Variants in FANCD2 observed in about 807,000 individuals in gnomAD.
FANCD2 encodes the protein FA complementation group D2.
In FANCD2, 131 loss-of-function variants were observed where a neutral mutation model predicts 192.3. The observed-to-expected ratio is 0.68, with a 90% confidence interval of 0.59 to 0.79. FANCD2 has a LOEUF of 0.79. Among genes scored for constraint, FANCD2 ranks in the 30% least tolerant of loss-of-function variants. The probability of loss-of-function intolerance (pLI) is 0.00; values close to 1 mark genes in which losing one functional copy is unlikely to be tolerated. For synonymous variants in FANCD2, 524 were observed against 612.5 expected (o/e 0.86, Z 2.13); for missense variants, 1,508 against 1,701.6 (o/e 0.89, Z 2.00).
chr3:10,063,974 A>C, intron 21 of FANCD2, 63 bp downstream of exon 21: 9 of 1,612,848 alleles, frequency 5.6e-6, no homozygotes, highest in Middle Eastern at 1.7e-4. Context: ...ACACTCTTCA[A>C]GTCTTTCTGT....
intron 17 of FANCD2, among the ~76,000 whole-genome samples, chr3:10,050,651 A>T (rs1312855004): frequency 3.1e-4 from 47 of 151,390 alleles, no homozygotes; most frequent in Non-Finnish European, 5.9e-4. Context: ...AAAGGCTTAG[A>T]AGAGCACAGA....
At chr3:10,034,347 A>AATT in intron 3 of FANCD2, 122 bp from the exon 4 acceptor site, 1 of 639,548 alleles carries the variant, frequency 1.6e-6, no homozygotes, top group South Asian at 1.6e-5. Flanking sequence ...AAAAAAAAAG[A>AATT]TTTGTCTCTG....
intron 43 of FANCD2, chr3:10,099,325 A>C (rs1695165085): frequency 2.5e-6 from 3 of 1,211,534 alleles, no homozygotes; most frequent in East Asian, 8.2e-5. Flanking sequence ...AAGAAAGCTA[A>C]ATAAAAATGT....
Position 10,098,931 on chromosome 3 carries a change from C to T in FANCD2, c.4281+116C>T. On this transcript the variant is annotated intron_variant, in intron 43 of 43. Coordinates refer to ENST00000675286, the MANE Select transcript of FANCD2 (RefSeq NM_001018115.3). ...GTTTATTGTCAAATGCTTCTATGCC[C>T]ATTTCCATTCCCTCCATAACAGCTT... is the stretch of plus-strand genomic sequence containing the variant. The T allele has an allele frequency of 6.2e-6, 10 of 1,614,178 alleles. No individual in the cohort carries two copies. The highest frequency in any genetic ancestry group is 8.5e-6 in the Non-Finnish European group (10 of 1,180,044).
chr3:10,090,257 A>G (rs1363728782), intron 36 of FANCD2, 35 bp from the exon 37 acceptor site: 1 of 1,493,802 alleles, frequency 6.7e-7, no homozygotes, highest in South Asian at 1.1e-5. Context: ...GCAGTGCATC[A>G]TGGTGTGGGC....
chr3:10,030,877 G>A (rs1039205030), intron 2 of FANCD2, among the ~76,000 whole-genome samples: 10 of 151,272 alleles, frequency 6.6e-5, no homozygotes, highest in Non-Finnish European at 1.3e-4. Flanking sequence ...TTCAGCCGGG[G>A]CAACAGAGCA....
intron 42 of FANCD2, among the ~76,000 whole-genome samples, chr3:10,096,709 C>G (rs35954417): frequency 6.6e-6 from 1 of 152,146 alleles, no homozygotes; most frequent in African/African-American, 2.4e-5. Flanking sequence ...TAAACAATGC[C>G]TCAGACATAA....
At chr3:10,044,310 A>G (rs1253273341) in intron 14 of FANCD2, among the ~76,000 whole-genome samples, 1 of 151,974 alleles carries the variant, frequency 6.6e-6, no homozygotes, top group Non-Finnish European at 1.5e-5. Context: ...CAATCTGTCC[A>G]CTGTCAAGGC....
At chr3:10,039,405 T>G (rs2086808825) in intron 8 of FANCD2, 48 bp downstream of exon 8, 1 of 1,458,844 alleles carries the variant, frequency 6.9e-7, no homozygotes, top group Admixed American at 1.7e-5. Context: ...ATGTTTCTCA[T>G]ATCTTTTGGA....
intron 2 of FANCD2, among the ~76,000 whole-genome samples, chr3:10,030,608 G>A (rs888983626): frequency 1.3e-5 from 2 of 152,054 alleles, no homozygotes; most frequent in Admixed American, 1.3e-4. Context: ...ATTTAGAAAC[G>A]GAAACTGTGG....
At chr3:10,055,024 A>G (rs1368453251) in intron 18 of FANCD2, among the ~76,000 whole-genome samples, 3 of 152,054 alleles carry the variant, frequency 2.0e-5, no homozygotes, top group Non-Finnish European at 2.9e-5. Context: ...AGAATTTACA[A>G]ATTTGTGTTT....
intron 32 of FANCD2, 59 bp from the exon 33 acceptor site, chr3:10,085,753 A>G: frequency 9.2e-7 from 1 of 1,091,768 alleles, no homozygotes; most frequent in Non-Finnish European, 1.4e-6. Context: ...GGATCCTTAA[A>G]TACTATCCAA....
intron 14 of FANCD2, among the ~76,000 whole-genome samples, chr3:10,046,247 G>A (rs1001086215): frequency 2.6e-5 from 4 of 151,602 alleles, no homozygotes; most frequent in Non-Finnish European, 4.4e-5. Context: ...TAGAGACGGG[G>A]TTTCACCGTG....
rs1398920187 is a variant in FANCD2 at position 10,060,702 on chromosome 3, C to A, written c.1766+299C>A. Among the ~76,000 whole-genome samples, 3 of 152,156 alleles carry A rather than the reference C, an allele frequency of 2.0e-5. No homozygotes were observed. In the East Asian group the frequency reaches 5.8e-4, roughly 29 times the overall value. On this transcript the variant is annotated intron_variant, in intron 19 of 43. Transcript: ENST00000675286. Reference sequence around the variant, plus strand: ...CCTGATTCTTTTAGAATGCATTTTTCTTTATCTGCTCCTGATATAGGCACT... The same window carrying A: ...CCTGATTCTTTTAGAATGCATTTTTATTTATCTGCTCCTGATATAGGCACT...
chr3:10,035,232 A>T lies in FANCD2; in HGVS notation c.437A>T (p.Gln146Leu), dbSNP rs138608475. The T allele has an allele frequency of 3.7e-6, 6 of 1,612,628 alleles. No homozygotes were observed. Among genetic ancestry groups the T allele is most frequent in the Non-Finnish European group, 5.1e-6 (6 of 1,178,714 alleles). ...CTGCTTCTGGGGATTGACATACTGC[A>T]GGTAAGACTGTCACTTTTTCTGTGA... ...IKLLLGIDILQPAIIKTLFEK... is the reference protein window; with the variant it reads ...IKLLLGIDILLPAIIKTLFEK... The change falls in exon 6 of 44, where the codon CAG (glutamine) becomes CTG (leucine). Residue 146 changes from glutamine to leucine, a missense_variant and splice_region_variant. Gln to Leu is a moderately radical substitution (Grantham distance 113). Transcript: ENST00000675286.
intron 2 of FANCD2, among the ~76,000 whole-genome samples, chr3:10,031,437 G>T (rs541186732): frequency 6.6e-6 from 1 of 151,030 alleles, no homozygotes; most frequent in African/African-American, 2.4e-5. Flanking sequence ...GGGAGGCGGA[G>T]CTTGCAGTGA....
rs774705850 is a variant in FANCD2 at position 10,091,622 on chromosome 3, TAGC to T, written c.3778-556_3778-554del. Reference sequence around the variant, plus strand: ...ACAGGCTGGCTTACCTCATGCCAGTTAGCAGGAGGCAAACTGGGCAGTAGCCAA... The same window carrying T: ...ACAGGCTGGCTTACCTCATGCCAGTTAGGAGGCAAACTGGGCAGTAGCCAA... On this transcript the variant is annotated intron_variant, in intron 37 of 43. Transcript: ENST00000675286. Among the ~76,000 whole-genome samples, 272 of 152,028 alleles carry T rather than the reference TAGC, an allele frequency of 1.8e-3. 1 individual carries two copies. Among genetic ancestry groups the T allele is most frequent in the Non-Finnish European group, 3.2e-3 (215 of 67,984 alleles).
Position 10,092,684 on chromosome 3 carries a change from CTTTT to C in FANCD2, c.3849+455_3849+458del, listed in dbSNP as rs565351425. Among the ~76,000 whole-genome samples, 100 of 72,048 alleles carry C rather than the reference CTTTT, an allele frequency of 1.4e-3. 1 individual carries two copies. The South Asian group carries it at 0.023, about 16-fold the overall frequency. 47.3% of individuals were successfully genotyped at this position (72,048 alleles called of 152,430 possible). The stretch of plus-strand genomic sequence containing the variant: ...CCTTGTCTCTCCACCTCTTTCATGT[CTTTT>C]TTTTTTTTTTTTTTTTTTTTTTGAG... On this transcript the variant is annotated intron_variant, in intron 38 of 43. Coordinates refer to ENST00000675286, the MANE Select transcript of FANCD2 (RefSeq NM_001018115.3).
In FANCD2 at chr3:10,092,247, A is replaced by C; in HGVS notation, c.3844A>C (p.Ile1282Leu). ...VRDFSILINLIKVFDSHPVLH... is the reference protein window; with the variant it reads ...VRDFSILINLLKVFDSHPVLH... Reference sequence around the variant, plus strand: ...AGACTTCAGTATCCTCATCAACTTGATAAAGGTGAGTATGGAGACTGCTTG... The same window carrying C: ...AGACTTCAGTATCCTCATCAACTTGCTAAAGGTGAGTATGGAGACTGCTTG... Residue 1282 changes from isoleucine (I) to leucine (L), a missense_variant, in exon 38 of 44, where the codon ATA becomes CTA. Coordinates refer to ENST00000675286, the MANE Select transcript of FANCD2 (RefSeq NM_001018115.3). 1 of 1,611,534 alleles carries C rather than the reference A, an allele frequency of 6.2e-7. No individual in the cohort carries two copies. The highest frequency in any genetic ancestry group is 8.5e-7 in the Non-Finnish European group (1 of 1,177,690).
Sources: gnomAD v4.1 joint callset for allele counts (sites outside exome capture counted in the v4.1 genomes callset) on GRCh38, gnomAD v4.1.1 for gene constraint, MANE v1.5 for transcripts, NCBI Gene and HGNC (gene_info 2026-07-23, HGNC 2026-07-21) for gene names.